Variants in PAPPA observed in about 807,000 individuals in gnomAD.
The protein encoded by PAPPA is pappalysin-1.
PAPPA carries 60 observed loss-of-function variants against 164.0 expected under a neutral mutation model. The ratio of observed to expected loss-of-function variants is 0.37; its 90% confidence interval spans 0.30 to 0.45. The LOEUF is 0.45. PAPPA is among the 20% of genes least tolerant of loss of function. PAPPA has a pLI of 1.00. For missense variants in PAPPA, 1,782 were observed against 2,087.3 expected, an observed-to-expected ratio of 0.85 and a Z score of 2.85; for synonymous variants, 875 against 814.1, an observed-to-expected ratio of 1.07 and a Z score of -1.27.
At chr9:116,320,691 C>T (rs564406167) in intron 10 of PAPPA, among the ~76,000 whole-genome samples, 76 of 152,226 alleles carry the variant, frequency 5.0e-4, no homozygotes, top group African/African-American at 1.8e-3. Flanking sequence ...CCTGGCTCCC[C>T]CCTCTCTTTT....
intron 7 of PAPPA, among the ~76,000 whole-genome samples, chr9:116,259,999 G>A (rs772986660): frequency 3.3e-5 from 5 of 152,090 alleles, no homozygotes; most frequent in Admixed American, 6.6e-5. Context: ...AAATAAATAC[G>A]CCAGATCTAC....
intron 10 of PAPPA, among the ~76,000 whole-genome samples, chr9:116,320,538 C>T (rs576645945): frequency 1.1e-4 from 17 of 152,220 alleles, no homozygotes; most frequent in Admixed American, 1.3e-4. Flanking sequence ...CTGTCTATGC[C>T]GAATAATAAA....
intron 4 of PAPPA, among the ~76,000 whole-genome samples, chr9:116,218,042 T>C (rs963223288): frequency 6.6e-6 from 1 of 152,170 alleles, no homozygotes; most frequent in Middle Eastern, 3.2e-3. Flanking sequence ...TTCCTTGCAA[T>C]AGGGAGCCAT....
intron 1 of PAPPA, among the ~76,000 whole-genome samples, chr9:116,162,617 C>A (rs1024955662): frequency 6.6e-6 from 1 of 152,158 alleles, no homozygotes; most frequent in Non-Finnish European, 1.5e-5. Flanking sequence ...CTGTAAAGTG[C>A]AGATAATACT....
At chr9:116,304,449 G>A (rs1400053774) in intron 10 of PAPPA, among the ~76,000 whole-genome samples, 1 of 152,194 alleles carries the variant, frequency 6.6e-6, no homozygotes, top group Non-Finnish European at 1.5e-5. Context: ...AGAGAACAAG[G>A]AATCCAAATT....
At chr9:116,383,356 CTG>C (rs1205531311) in intron 21 of PAPPA, among the ~76,000 whole-genome samples, 1 of 152,128 alleles carries the variant, frequency 6.6e-6, no homozygotes, top group Non-Finnish European at 1.5e-5. Flanking sequence ...ATCATTTCAT[CTG>C]TGTCATTTTA....
intron 2 of PAPPA, among the ~76,000 whole-genome samples, chr9:116,193,089 C>G (rs1027107986): frequency 2.0e-5 from 3 of 152,020 alleles, no homozygotes; most frequent in African/African-American, 7.2e-5. Context: ...CCTTTGTCTT[C>G]TCTTTATTAT....
chr9:116,252,836 T>C (rs1305312662), intron 7 of PAPPA, among the ~76,000 whole-genome samples: 1 of 152,202 alleles, frequency 6.6e-6, no homozygotes, highest in Non-Finnish European at 1.5e-5. Flanking sequence ...AAATGAACTG[T>C]TCTTAATCTA....
At chr9:116,333,621 A>G (rs1260592477) in intron 12 of PAPPA, among the ~76,000 whole-genome samples, 1 of 152,164 alleles carries the variant, frequency 6.6e-6, no homozygotes, top group East Asian at 1.9e-4. Flanking sequence ...ATGCTTGTTT[A>G]TTTAGTTCCT....
At chr9:116,163,989 C>T (rs944462881) in intron 1 of PAPPA, among the ~76,000 whole-genome samples, 2 of 152,156 alleles carry the variant, frequency 1.3e-5, no homozygotes, top group Non-Finnish European at 2.9e-5. Context: ...CTAGCCCCCA[C>T]AAATATCCAG....
intron 10 of PAPPA, among the ~76,000 whole-genome samples, chr9:116,309,317 C>T (rs1434120021): frequency 6.6e-6 from 1 of 152,090 alleles, no homozygotes; most frequent in Non-Finnish European, 1.5e-5. Context: ...CTTAAGTGAT[C>T]CATCTTCCTC....
In PAPPA at chr9:116,229,801, A is replaced by G. The variant is rs1844567528; in HGVS notation, c.2233+2249A>G. Reference sequence around the variant, plus strand: ...ACTGTTGCCAAAATCCAGCTGAGGAATGATGGTGGGCTGGTGAGGTCGGTG... The same window carrying G: ...ACTGTTGCCAAAATCCAGCTGAGGAGTGATGGTGGGCTGGTGAGGTCGGTG... On this transcript the variant is annotated intron_variant, in intron 6 of 21. Transcript: ENST00000328252. Among the ~76,000 whole-genome samples, 3 of 152,152 alleles carry G rather than the reference A, an allele frequency of 2.0e-5. No individual in the cohort carries two copies. The South Asian group carries it at 6.2e-4, about 31-fold the overall frequency.
intron 19 of PAPPA, among the ~76,000 whole-genome samples, chr9:116,374,171 TGATGATGATGA>T (rs1846616738): frequency 4.5e-5 from 6 of 133,392 alleles, no homozygotes; most frequent in Non-Finnish European, 8.1e-5. Flanking sequence ...GTGGTGGTGT[TGATGATGATGA>T]TGGTGGTGAT....
At chr9:116,231,778 T>TTTTTTTTTTTTTTGTTTG (rs1564192736) in intron 6 of PAPPA, among the ~76,000 whole-genome samples, 2 of 144,092 alleles carry the variant, frequency 1.4e-5, no homozygotes. Context: ...TTTTTTTTTT[T>TTTTTTTTTTTTTTGTTTG]GAGATGGAGT....
At chr9:116,261,952 C>T (rs1421708204) in intron 7 of PAPPA, among the ~76,000 whole-genome samples, 2 of 151,786 alleles carry the variant, frequency 1.3e-5, no homozygotes, top group African/African-American at 4.9e-5. Context: ...GTGGCTCATG[C>T]CTGTAATCCC....
chr9:116,265,629 A>C (rs1421444123), intron 7 of PAPPA, among the ~76,000 whole-genome samples: 3 of 152,272 alleles, frequency 2.0e-5, no homozygotes, highest in Non-Finnish European at 4.4e-5. Flanking sequence ...GTACATAGTT[A>C]TCAGTCAATT....
intron 3 of PAPPA, among the ~76,000 whole-genome samples, 184 bp downstream of exon 3, chr9:116,207,785 G>A (rs891477656): frequency 1.3e-5 from 2 of 152,112 alleles, no homozygotes; most frequent in Non-Finnish European, 2.9e-5. Context: ...TGACCACCAA[G>A]CAATTTTCTG....
chr9:116,396,072 C>T (rs959752018), intron 21 of PAPPA, among the ~76,000 whole-genome samples: 3 of 152,170 alleles, frequency 2.0e-5, no homozygotes, highest in Non-Finnish European at 4.4e-5. Flanking sequence ...ATCAGCTCTA[C>T]ATAGGGACCT....
chr9:116,167,350 T>C (rs1843729381), intron 1 of PAPPA, among the ~76,000 whole-genome samples: 1 of 152,234 alleles, frequency 6.6e-6, no homozygotes, highest in African/African-American at 2.4e-5. Flanking sequence ...AGTTGTAATG[T>C]GGTATTGTTT....
Sources: allele counts gnomAD v4.1 joint callset (sites outside exome capture counted in the v4.1 genomes callset), GRCh38; gene constraint gnomAD v4.1.1; transcripts MANE v1.5; gene names NCBI Gene and HGNC (gene_info 2026-07-23, HGNC 2026-07-21).